PTPRM: variants seen among roughly 807,000 people sequenced by gnomAD.
PTPRM encodes protein tyrosine phosphatase receptor type M, also known as receptor-type tyrosine-protein phosphatase mu.
Under a neutral mutation model 186.7 loss-of-function variants are expected in PTPRM, and 47 were observed. That is an observed-to-expected ratio of 0.25 (90% CI 0.20 to 0.32). The LOEUF is 0.32. Ranked by LOEUF, PTPRM falls within the 10% of genes least tolerant of loss-of-function variation. The pLI, the probability that PTPRM is intolerant of heterozygous loss-of-function variation, is 1.00. For synonymous variants in PTPRM, 668 were observed against 674.9 expected (o/e 0.99, Z 0.16); for missense variants, 1,494 against 1,865.0 (o/e 0.80, Z 3.66).
chr18:8,377,088 TACTA>T (rs1411030879), intron 26 of PTPRM: 6 of 154,098 alleles, frequency 3.9e-5, no homozygotes, highest in Non-Finnish European at 7.2e-5. Context: ...AAGTACTGTA[TACTA>T]ACTAGTAACT....
intron 4 of PTPRM, among the ~76,000 whole-genome samples, chr18:7,910,646 G>C (rs1395271403): frequency 6.6e-6 from 1 of 152,198 alleles, no homozygotes; most frequent in African/African-American, 2.4e-5. Context: ...GTTGCAGAAA[G>C]TGACCAATCA....
At chr18:8,321,156 T>C (rs1333210111) in intron 22 of PTPRM, among the ~76,000 whole-genome samples, 8 of 152,366 alleles carry the variant, frequency 5.3e-5, no homozygotes, top group Admixed American at 2.6e-4. Context: ...TATGATAATT[T>C]GAAATTAACA....
At chr18:8,191,255 GC>G (rs1179787089) in intron 14 of PTPRM, among the ~76,000 whole-genome samples, 1 of 152,136 alleles carries the variant, frequency 6.6e-6, no homozygotes, top group Non-Finnish European at 1.5e-5. Context: ...CTTAATATGG[GC>G]CATATCATTT....
At chr18:7,981,826 G>T (rs1350033107) in intron 7 of PTPRM, among the ~76,000 whole-genome samples, 1 of 152,186 alleles carries the variant, frequency 6.6e-6, no homozygotes, top group Non-Finnish European at 1.5e-5. Context: ...TGTATTGAAT[G>T]CTGTAGACTC....
chr18:7,869,340 G>A (rs1418997505), intron 2 of PTPRM, among the ~76,000 whole-genome samples: 3 of 152,170 alleles, frequency 2.0e-5, no homozygotes, highest in Admixed American at 2.0e-4. Context: ...GCACCGGGGG[G>A]AATCTCCTAG....
At chr18:7,926,722 C>A (rs370152634) in intron 5 of PTPRM, 39 bp downstream of exon 5, 132 of 1,484,974 alleles carry the variant, frequency 8.9e-5, no homozygotes, top group Non-Finnish European at 1.2e-4. Flanking sequence ...GAGAGTCCAG[C>A]GGGAAGAATA....
At chr18:7,919,449 G>T (rs2050741779) in intron 4 of PTPRM, among the ~76,000 whole-genome samples, 1 of 152,072 alleles carries the variant, frequency 6.6e-6, no homozygotes, top group Non-Finnish European at 1.5e-5. Context: ...AAACCTATGG[G>T]ATTTTCCTCT....
intron 14 of PTPRM, among the ~76,000 whole-genome samples, chr18:8,168,277 A>T (rs1473769316): frequency 1.3e-5 from 2 of 152,202 alleles, no homozygotes; most frequent in Non-Finnish European, 2.9e-5. Context: ...TTAGTTTTAT[A>T]CCAAACCATT....
chr18:8,169,062 C>T (rs755695111), intron 14 of PTPRM, among the ~76,000 whole-genome samples: 46 of 152,072 alleles, frequency 3.0e-4, no homozygotes, highest in Admixed American at 2.4e-3. Context: ...TATCTTATCA[C>T]GCTCCTAGGA....
At chr18:7,830,629 T>A (rs1050525589) in intron 2 of PTPRM, among the ~76,000 whole-genome samples, 3 of 152,120 alleles carry the variant, frequency 2.0e-5, no homozygotes, top group Non-Finnish European at 2.9e-5. Flanking sequence ...TCAGAGTGAA[T>A]AATGAGACAT....
chr18:8,375,922 T>G, intron 24 of PTPRM, 124 bp from the exon 25 acceptor site: 1 of 1,015,548 alleles, frequency 9.8e-7, no homozygotes, highest in Non-Finnish European at 1.5e-6. Flanking sequence ...TCCCCAGCAG[T>G]CCACTGTTTC....
chr18:7,598,251 A>G (rs2037314010), intron 1 of PTPRM, among the ~76,000 whole-genome samples: 1 of 152,214 alleles, frequency 6.6e-6, no homozygotes, highest in Non-Finnish European at 1.5e-5. Flanking sequence ...TTTATTGCCA[A>G]TAGCTAAGTA....
intron 1 of PTPRM, among the ~76,000 whole-genome samples, chr18:7,724,391 C>G (rs2040506069): frequency 6.6e-6 from 1 of 152,128 alleles, no homozygotes; most frequent in Non-Finnish European, 1.5e-5. Context: ...CAACATGGAC[C>G]TAGTAAAACC....
chr18:8,021,332 AC>A (rs2085213145), intron 7 of PTPRM, among the ~76,000 whole-genome samples: 3 of 131,190 alleles, frequency 2.3e-5, no homozygotes, highest in African/African-American at 7.9e-5. Context: ...ACACACACAC[AC>A]ACACACACAC....
rs57590269 is a variant in PTPRM, at chr18:7,911,846, A to ATTTTTT, written c.547+5282_547+5287dup. On this transcript the variant is annotated intron_variant, in intron 4 of 32. Coordinates refer to ENST00000580170, the MANE Select transcript of PTPRM (RefSeq NM_001105244.2). ...TTTTTTCCAGAGTTTTATGGTTTCA[A>ATTTTTT]TTTTTTTTTTTTTTTTTTTTTTTTG... Among the ~76,000 whole-genome samples the ATTTTTT allele has an allele frequency of 3.4e-3, 278 of 80,604 alleles. 13 individuals carry two copies. The highest frequency in any genetic ancestry group is 0.016 in the Middle Eastern group (1 of 62). The allele number at this position is 80,604 out of a possible 152,430, so 52.9% of individuals were successfully genotyped here. A position where few individuals can be genotyped will look rare whatever the true frequency, so the allele number is the denominator to read the frequency against.
At chr18:8,232,556 A>G (rs11081365) in intron 14 of PTPRM, among the ~76,000 whole-genome samples, 4,152 of 152,148 alleles carry the variant, frequency 0.027, 82 homozygotes, top group East Asian at 0.057. Flanking sequence ...ATGGAGTCTC[A>G]CTCTGTCACC....
At chr18:7,950,640 A>G (rs1468870465) in intron 6 of PTPRM, among the ~76,000 whole-genome samples, 1 of 152,114 alleles carries the variant, frequency 6.6e-6, no homozygotes, top group Non-Finnish European at 1.5e-5. Flanking sequence ...CAAAGTGTAT[A>G]TTATATATAG....
intron 11 of PTPRM, among the ~76,000 whole-genome samples, chr18:8,102,037 A>G (rs1424864989): frequency 6.6e-6 from 1 of 152,234 alleles, no homozygotes; most frequent in Non-Finnish European, 1.5e-5. Context: ...CCTAGTGCAT[A>G]GAAAAGTTAT....
At chr18:8,330,658 T>A (rs2095407183) in intron 22 of PTPRM, among the ~76,000 whole-genome samples, 1 of 144,342 alleles carries the variant, frequency 6.9e-6, no homozygotes, top group African/African-American at 2.6e-5. Flanking sequence ...GCCGTTCATT[T>A]TTTTTTTTTT....
Sources: gnomAD v4.1 joint callset for allele counts (sites outside exome capture counted in the v4.1 genomes callset) on GRCh38, gnomAD v4.1.1 for gene constraint, MANE v1.5 for transcripts, NCBI Gene and HGNC (gene_info 2026-07-23, HGNC 2026-07-21) for gene names.